SLC14A2: variants seen among roughly 807,000 people sequenced by gnomAD.
The protein encoded by SLC14A2 is urea transporter 2.
Under a neutral mutation model 104.6 loss-of-function variants are expected in SLC14A2, and 91 were observed. That is an observed-to-expected ratio of 0.87 (90% CI 0.73 to 1.04). SLC14A2 has a LOEUF of 1.04. Among genes scored for constraint, SLC14A2 ranks in the 50% least tolerant of loss-of-function variants. The pLI, the probability that SLC14A2 is intolerant of heterozygous loss-of-function variation, is 0.00. For missense variants in SLC14A2, 1,189 were observed against 1,156.0 expected, an observed-to-expected ratio of 1.03 and a Z score of -0.41; for synonymous variants, 476 against 466.4, an observed-to-expected ratio of 1.02 and a Z score of -0.27.
intron 1 of SLC14A2, among the ~76,000 whole-genome samples, chr18:45,356,333 T>C (rs2085553862): frequency 6.6e-6 from 1 of 152,250 alleles, no homozygotes; most frequent in Admixed American, 6.5e-5. Context: ...GACAGGCTAC[T>C]ATTATGACTA....
intron 2 of SLC14A2, among the ~76,000 whole-genome samples, chr18:45,570,216 G>A (rs1328977885): frequency 6.6e-6 from 1 of 152,118 alleles, no homozygotes; most frequent in Admixed American, 6.5e-5. Context: ...AATTTTCCAT[G>A]TGACTTTAAA....
chr18:45,426,128 G>A (rs1012146411), intron 1 of SLC14A2, among the ~76,000 whole-genome samples: 9 of 152,062 alleles, frequency 5.9e-5, no homozygotes. Flanking sequence ...GCACGGCATC[G>A]ATGGCCACCC....
intron 1 of SLC14A2, among the ~76,000 whole-genome samples, chr18:45,293,658 A>C (rs2084892863): frequency 6.6e-6 from 1 of 152,198 alleles, no homozygotes. Flanking sequence ...AATCAAGGCA[A>C]GTTTGATCTT....
chr18:45,643,792 C>T (rs915709459), intron 9 of SLC14A2, among the ~76,000 whole-genome samples, 194 bp from the exon 10 acceptor site: 6 of 152,198 alleles, frequency 3.9e-5, no homozygotes, highest in African/African-American at 1.4e-4. Context: ...GCTGGTATTA[C>T]AGGCATGAGC....
rs754932235 is a variant in SLC14A2, at chr18:45,672,938, C to A, written c.2268C>A (p.Tyr756Ter). 2 of 1,613,964 alleles carry A rather than the reference C, an allele frequency of 1.2e-6. No homozygotes were observed. Among genetic ancestry groups the A allele is most frequent in the Non-Finnish European group, 1.7e-6 (2 of 1,179,892 alleles). ...RAIPVGIGQV[Y>*]GCDNPWTGGI... ...TCCCCGTTGGAATTGGCCAAGTGTA[C>A]GGCTGTGATAACCCCTGGACTGGAG... is the stretch of plus-strand genomic sequence containing the variant. Residue 756 changes from tyrosine to a stop codon, truncating the protein, a stop_gained, in exon 17 of 20, where the codon TAC (tyrosine) becomes TAA (stop). Coordinates refer to ENST00000255226, the MANE Select transcript of SLC14A2 (RefSeq NM_007163.4). LOFTEE classifies it high-confidence loss of function.
the SLC14A2 span, among the ~76,000 whole-genome samples, chr18:45,170,702 C>T: frequency 6.6e-6 from 1 of 152,176 alleles, no homozygotes; most frequent in Non-Finnish European, 1.5e-5. Flanking sequence ...ACACTGATCA[C>T]CTGCTCTGGA....
At chr18:45,209,250 G>T (rs2083941888), upstream of SLC14A2, among the ~76,000 whole-genome samples, 1 of 151,096 alleles carries the variant, frequency 6.6e-6, no homozygotes, top group South Asian at 2.1e-4. Flanking sequence ...GGCTGAGGCA[G>T]CAGAATGGCA....
chr18:45,320,453 A>G (rs974711804), intron 1 of SLC14A2, among the ~76,000 whole-genome samples: 5 of 152,172 alleles, frequency 3.3e-5, no homozygotes, highest in African/African-American at 7.2e-5. Context: ...TTCCCCAAAG[A>G]CATGACTCCC....
intron 2 of SLC14A2, chr18:45,493,381 T>C (rs1424020985): frequency 6.6e-6 from 1 of 152,222 alleles, no homozygotes; most frequent in Non-Finnish European, 1.5e-5. Flanking sequence ...GAAAAGATAA[T>C]ATCTTGCCCT....
At chr18:45,171,130 C>T in the SLC14A2 span, among the ~76,000 whole-genome samples, 1 of 152,226 alleles carries the variant, frequency 6.6e-6, no homozygotes, top group East Asian at 1.9e-4. Context: ...ATGCCACTAA[C>T]ATTTGAATTT....
intron 1 of SLC14A2, among the ~76,000 whole-genome samples, chr18:45,273,034 C>G (rs973692100): frequency 2.0e-5 from 3 of 152,092 alleles, no homozygotes; most frequent in African/African-American, 7.2e-5. Context: ...ATGGACTTGA[C>G]TGACTTAAAC....
At chr18:45,299,555 G>A (rs755746835) in intron 1 of SLC14A2, among the ~76,000 whole-genome samples, 9 of 152,086 alleles carry the variant, frequency 5.9e-5, no homozygotes, top group Admixed American at 5.2e-4. Context: ...TCTGCCTCCC[G>A]GGTTCAAGTG....
intron 1 of SLC14A2, among the ~76,000 whole-genome samples, chr18:45,405,234 G>T (rs2086140666): frequency 6.6e-6 from 1 of 152,156 alleles, no homozygotes; most frequent in Non-Finnish European, 1.5e-5. Context: ...GAAGACTGGG[G>T]ACCATCTTTG....
intron 10 of SLC14A2, among the ~76,000 whole-genome samples, chr18:45,652,649 G>T (rs1206089654): frequency 6.6e-6 from 1 of 152,202 alleles, no homozygotes; most frequent in East Asian, 1.9e-4. Context: ...GCATTGTGAA[G>T]AAAACCTTGT....
intron 1 of SLC14A2, among the ~76,000 whole-genome samples, chr18:45,380,503 T>C (rs2085823179): frequency 6.6e-6 from 1 of 152,188 alleles, no homozygotes; most frequent in South Asian, 2.1e-4. Context: ...TAGAGACAAG[T>C]CTATGATTGG....
In SLC14A2 at chr18:45,338,710, A is replaced by C. The variant is rs896658261; in HGVS notation, c.-125+125519A>C. ...AAAAAAAAAAAAAAAAAAAAAAAAA[A>C]AACTCTTTATTTACAGAGTTTATTT... On this transcript the variant is annotated intron_variant, in intron 1 of 20. Coordinates refer to the SLC14A2 transcript ENST00000586448. Among the ~76,000 whole-genome samples the C allele has an allele frequency of 3.4e-5, 5 of 147,598 alleles. No homozygotes were observed. The East Asian group carries it at 5.9e-4, about 17-fold the overall frequency.
At chr18:45,662,140 C>G (rs1599141432) in intron 10 of SLC14A2, among the ~76,000 whole-genome samples, 1 of 152,006 alleles carries the variant, frequency 6.6e-6, no homozygotes, top group Non-Finnish European at 1.5e-5. Context: ...CTGTCTCTAC[C>G]AAAAATAGAA....
At chr18:45,268,208 C>T (rs934676986) in intron 1 of SLC14A2, among the ~76,000 whole-genome samples, 3 of 152,036 alleles carry the variant, frequency 2.0e-5, no homozygotes, top group Admixed American at 6.6e-5. Context: ...ACCAAGTACC[C>T]GATAAATATG....
At chr18:45,657,668 C>A (rs946010516) in intron 10 of SLC14A2, among the ~76,000 whole-genome samples, 2 of 151,904 alleles carry the variant, frequency 1.3e-5, no homozygotes, top group African/African-American at 2.4e-5. Context: ...GAAGAGACAC[C>A]TATGTCTTAT....
Sources: gnomAD v4.1 joint callset for allele counts (sites outside exome capture counted in the v4.1 genomes callset) on GRCh38, gnomAD v4.1.1 for gene constraint, MANE v1.5 for transcripts, NCBI Gene and HGNC (gene_info 2026-07-23, HGNC 2026-07-21) for gene names.